NUP210: variants seen among roughly 807,000 people sequenced by gnomAD.
NUP210 encodes the protein nuclear pore membrane glycoprotein 210.
Under a neutral mutation model 196.0 loss-of-function variants are expected in NUP210, and 151 were observed. That is an observed-to-expected ratio of 0.77 (90% CI 0.67 to 0.88). The LOEUF (loss-of-function observed/expected upper bound fraction) is 0.88, where lower values mean the gene tolerates loss of function less well. Among genes scored for constraint, NUP210 ranks in the 40% least tolerant of loss-of-function variants. The probability of loss-of-function intolerance (pLI) is 0.00; values close to 1 mark genes in which losing one functional copy is unlikely to be tolerated. For synonymous variants in NUP210, 1,070 were observed against 1,052.7 expected (o/e 1.02, Z -0.32); for missense variants, 2,314 against 2,493.7 (o/e 0.93, Z 1.53).
rs1418843464 is a variant in NUP210, at chr3:13,339,867, AC to A, written c.3457del (p.Val1153SerfsTer15). ...QAVDAETGKV[V>X]IISQDLVQVE... is the part of the protein sequence containing the mutation. Reference sequence around the variant, plus strand: ...CACGCCTGTTACCTGAGAGATGATGACCACCTTGCCGGTCTCTGCATCCACT... The same window carrying A: ...CACGCCTGTTACCTGAGAGATGATGACACCTTGCCGGTCTCTGCATCCACT... On this transcript the variant is annotated frameshift_variant, in exon 25 of 40. Transcript: ENST00000254508. LOFTEE classifies it high-confidence loss of function. The A allele has an allele frequency of 3.7e-6, 6 of 1,613,438 alleles. No individual in the cohort carries two copies. The highest frequency in any genetic ancestry group is 3.3e-5 in the Admixed American group (2 of 60,020).
chr3:13,338,245 C>T (rs533778487), intron 25 of NUP210, among the ~76,000 whole-genome samples: 2 of 152,338 alleles, frequency 1.3e-5, no homozygotes, highest in South Asian at 4.1e-4. Context: ...GCCTGGCTGC[C>T]CTCAAGCAAA....
Position 13,317,606 on chromosome 3 carries a change from A to G in NUP210, c.*75T>C, listed in dbSNP as rs1217957643. The G allele has an allele frequency of 1.8e-6, 2 of 1,099,632 alleles. No homozygotes were observed. The highest frequency in any genetic ancestry group is 3.1e-5 in the African/African-American group (2 of 64,504). The allele number at this position is 1,099,632 out of a possible 1,614,324, so 68.1% of individuals were successfully genotyped here. On this transcript the variant is annotated 3_prime_UTR_variant, in exon 40 of 40. Coordinates refer to ENST00000254508, the MANE Select transcript of NUP210 (RefSeq NM_024923.4). Reference sequence around the variant, plus strand: ...TCTGGAGGGGCTTGTTCCAGTGTGAATGCAGCAGGGATGTTCCATCTTGGG... The same window carrying G: ...TCTGGAGGGGCTTGTTCCAGTGTGAGTGCAGCAGGGATGTTCCATCTTGGG...
intron 32 of NUP210, 116 bp from the exon 33 acceptor site, chr3:13,326,047 GC>G: frequency 7.4e-7 from 1 of 1,345,738 alleles, no homozygotes; most frequent in Non-Finnish European, 1.0e-6. Context: ...CCCCATGGGG[GC>G]TCACTCAGCA....
At chr3:13,357,718 G>T (rs1698229305) in intron 16 of NUP210, among the ~76,000 whole-genome samples, 1 of 152,134 alleles carries the variant, frequency 6.6e-6, no homozygotes, top group African/African-American at 2.4e-5. Context: ...CATCCCTGCT[G>T]TTAGACAAGA....
chr3:13,401,760 C>T (rs924687289), intron 1 of NUP210, among the ~76,000 whole-genome samples: 4 of 152,024 alleles, frequency 2.6e-5, no homozygotes, highest in African/African-American at 9.7e-5. Flanking sequence ...GAAACAAGGA[C>T]AAATTAGAAA....
At chr3:13,341,316 C>T (rs544411214) in intron 23 of NUP210, among the ~76,000 whole-genome samples, 8 of 152,228 alleles carry the variant, frequency 5.3e-5, no homozygotes, top group African/African-American at 9.6e-5. Context: ...CCTCTGCTCA[C>T]GCAGCCCCTG....
At chr3:13,408,816 T>C (rs1458996568) in intron 1 of NUP210, among the ~76,000 whole-genome samples, 3 of 151,302 alleles carry the variant, frequency 2.0e-5, no homozygotes, top group African/African-American at 7.3e-5. Flanking sequence ...GGTTTTTAAT[T>C]ACAAACTTAA....
At chr3:13,391,843 A>G (rs1186317923) in intron 3 of NUP210, among the ~76,000 whole-genome samples, 2 of 151,770 alleles carry the variant, frequency 1.3e-5, no homozygotes, top group Non-Finnish European at 2.9e-5. Context: ...GTAGGGGGCA[A>G]GGAGAGCCAG....
At chr3:13,354,382 C>A in intron 16 of NUP210, 1 of 471,370 alleles carries the variant, frequency 2.1e-6, no homozygotes, top group Non-Finnish European at 3.9e-6. Context: ...CTGGCTGTCC[C>A]TACGCATGAG....
At chr3:13,397,869 G>C (rs924984760) in intron 2 of NUP210, among the ~76,000 whole-genome samples, 1 of 152,222 alleles carries the variant, frequency 6.6e-6, no homozygotes, top group African/African-American at 2.4e-5. Flanking sequence ...TAGGGATTAC[G>C]CTGGTGGTTT....
intron 1 of NUP210, among the ~76,000 whole-genome samples, chr3:13,409,816 C>T (rs1700107529): frequency 6.7e-6 from 1 of 149,206 alleles, no homozygotes; most frequent in Non-Finnish European, 1.5e-5. Context: ...TCAGCCCCCA[C>T]CTCCAAATGT....
chr3:13,362,079 T>C (rs1698389620), intron 14 of NUP210, among the ~76,000 whole-genome samples: 1 of 152,184 alleles, frequency 6.6e-6, no homozygotes, highest in South Asian at 2.1e-4. Context: ...CTTCATGGCC[T>C]GAGAGGTCTC....
In NUP210 at chr3:13,407,898, G is replaced by A. The variant is rs530280489; in HGVS notation, c.168-8037C>T. On this transcript the variant is annotated intron_variant, in intron 1 of 39. Transcript: ENST00000254508. Reference sequence around the variant, plus strand: ...ACTACACATTAACCTCTATCTTCACGGAGCTTTCACTTTAGTGGAAGGAGA... The same window carrying A: ...ACTACACATTAACCTCTATCTTCACAGAGCTTTCACTTTAGTGGAAGGAGA... 7.9e-5 allele frequency among the ~76,000 whole-genome samples: 12 copies of A among 152,272 alleles called. No homozygotes were observed. The East Asian group carries it at 9.6e-4, about 12-fold the overall frequency.
chr3:13,344,636 G>A (rs1219174921), intron 20 of NUP210, among the ~76,000 whole-genome samples: 1 of 152,218 alleles, frequency 6.6e-6, no homozygotes, highest in African/African-American at 2.4e-5. Context: ...CTCAACAGCT[G>A]CCCAGTGCTC....
intron 13 of NUP210, among the ~76,000 whole-genome samples, chr3:13,370,178 G>A (rs187894589): frequency 7.9e-5 from 12 of 152,100 alleles, no homozygotes; most frequent in African/African-American, 2.9e-4. Context: ...TTTTCATACA[G>A]CCTGGGCCCT....
chr3:13,372,528 A>G (rs1324832191), intron 12 of NUP210, among the ~76,000 whole-genome samples: 1 of 152,210 alleles, frequency 6.6e-6, no homozygotes, highest in Non-Finnish European at 1.5e-5. Flanking sequence ...GGAAAGCCCC[A>G]GAGAGAGATG....
chr3:13,413,607 C>G (rs1179295886), intron 1 of NUP210, among the ~76,000 whole-genome samples: 1 of 152,216 alleles, frequency 6.6e-6, no homozygotes, highest in Non-Finnish European at 1.5e-5. Flanking sequence ...TGCAAAGACT[C>G]TAGGCGTCTG....
intron 31 of NUP210, 34 bp from the exon 32 acceptor site, chr3:13,327,471 T>G (rs1241012131): frequency 6.6e-7 from 1 of 1,508,212 alleles, no homozygotes; most frequent in South Asian, 1.2e-5. Context: ...GCTCTCAGTC[T>G]CGGGAAAGAA....
At position 13,317,744 on chromosome 3, in the gene NUP210, C is replaced by T. The variant is rs1376130380; in HGVS notation, c.5601G>A (p.Leu1867=). Residue 1867 remains leucine (L), a synonymous_variant, in exon 40 of 40, where the codon TTG becomes TTA. Transcript: ENST00000254508. ...AASSPTSPNA[L]PPARKASPPS... Reference sequence around the variant, plus strand: ...GAGGGCTGGCTTTGCGAGCAGGAGGCAATGCATTGGGAGATGTGGGTGATG... The same window carrying T: ...GAGGGCTGGCTTTGCGAGCAGGAGGTAATGCATTGGGAGATGTGGGTGATG... The T allele has an allele frequency of 2.5e-6, 4 of 1,611,768 alleles. No homozygotes were observed. In the African/African-American group the frequency reaches 4.0e-5, roughly 16 times the overall value.
Sources: gnomAD v4.1 joint callset for allele counts (sites outside exome capture counted in the v4.1 genomes callset) on GRCh38, gnomAD v4.1.1 for gene constraint, MANE v1.5 for transcripts, NCBI Gene and HGNC (gene_info 2026-07-23, HGNC 2026-07-21) for gene names.